Variants in PDE1A observed in about 807,000 individuals in gnomAD.
PDE1A encodes the protein dual specificity calcium/calmodulin-dependent 3',5'-cyclic nucleotide phosphodiesterase 1A.
A neutral mutation model predicts 61.7 loss-of-function variants in PDE1A; 35 were observed. The observed-to-expected ratio is 0.57, with a 90% CI of 0.43 to 0.75. The LOEUF (loss-of-function observed/expected upper bound fraction) is 0.75, where lower values mean the gene tolerates loss of function less well. PDE1A is among the 30% of genes least tolerant of loss of function. The pLI, the probability that PDE1A is intolerant of heterozygous loss-of-function variation, is 0.00. For missense variants in PDE1A, 597 were observed against 630.6 expected (o/e 0.95, Z 0.57); for synonymous variants, 232 against 213.2 (o/e 1.09, Z -0.77).
At position 182,207,111 on chromosome 2, in the gene PDE1A, G is replaced by C. The variant is rs150228786; in HGVS notation, c.777-1046C>G. 1.4e-3 allele frequency among the ~76,000 whole-genome samples: 212 copies of C among 152,290 alleles called. 2 individuals carry two copies. The highest frequency in any genetic ancestry group is 5.0e-3 in the African/African-American group (207 of 41,566). On this transcript the variant is annotated intron_variant, in intron 7 of 13. Coordinates refer to ENST00000351439, the Ensembl canonical transcript of PDE1A. ...AAAATGTGGAAGCAACTTTGGAACT[G>C]GGTAATGGGCAGAGGTTGAAACAGT...
At chr2:182,623,258 GC>G in the PDE1A span, among the ~76,000 whole-genome samples, 1 of 152,142 alleles carries the variant, frequency 6.6e-6, no homozygotes, top group Non-Finnish European at 1.5e-5. Flanking sequence ...CATCCTTTCT[GC>G]CCAGCCAACA....
chr2:182,531,661 G>A, the PDE1A span, among the ~76,000 whole-genome samples: 1 of 152,120 alleles, frequency 6.6e-6, no homozygotes, highest in Non-Finnish European at 1.5e-5. Flanking sequence ...TCTATAAGGA[G>A]AAGCAAACAA....
At chr2:182,669,059 C>T in the PDE1A span, among the ~76,000 whole-genome samples, 1 of 152,158 alleles carries the variant, frequency 6.6e-6, no homozygotes, top group African/African-American at 2.4e-5. Context: ...TTTCAAGAGG[C>T]CTTTGATAGA....
chr2:182,544,239 G>A, the PDE1A span, among the ~76,000 whole-genome samples: 1 of 152,176 alleles, frequency 6.6e-6, no homozygotes, highest in South Asian at 2.1e-4. Context: ...AGATACTACT[G>A]AAATTAAAGC....
chr2:182,445,862 C>T (rs1361634416), intron 2 of PDE1A, among the ~76,000 whole-genome samples: 2 of 152,022 alleles, frequency 1.3e-5, no homozygotes, highest in African/African-American at 4.8e-5. Context: ...TCAATCATGA[C>T]ATTTAAAATT....
At chr2:182,562,011 A>G in the PDE1A span, among the ~76,000 whole-genome samples, 21 of 151,402 alleles carry the variant, frequency 1.4e-4, no homozygotes, top group Non-Finnish European at 3.1e-4. Context: ...AACAGGGACA[A>G]TTTGACTTCC....
At chr2:182,694,294 G>T in the PDE1A span, among the ~76,000 whole-genome samples, 1 of 152,256 alleles carries the variant, frequency 6.6e-6, no homozygotes, top group Admixed American at 6.5e-5. Context: ...AAATGTATGG[G>T]TTTGTTTCTG....
chr2:182,210,871 G>C (rs1396936633), intron 7 of PDE1A, among the ~76,000 whole-genome samples: 4 of 150,536 alleles, frequency 2.7e-5, no homozygotes, highest in Admixed American at 1.3e-4. Flanking sequence ...ATGCTGATGT[G>C]ACAGAATACC....
the PDE1A span, among the ~76,000 whole-genome samples, chr2:182,611,228 AAC>A: frequency 7.2e-5 from 11 of 152,210 alleles, no homozygotes; most frequent in African/African-American, 2.7e-4. Context: ...GGTGCTGGAT[AAC>A]ACAGCAACAT....
At position 182,399,248 on chromosome 2, in the gene PDE1A, A is replaced by G. The variant is rs987699422; in HGVS notation, c.53+27330T>C. 7.2e-5 allele frequency among the ~76,000 whole-genome samples: 11 copies of G among 152,074 alleles called. No individual in the cohort carries two copies. In the South Asian group the frequency reaches 1.7e-3, roughly 23 times the overall value. ...TTTTAAATTTATATGCTACAAAATAATGCACTTTTTTGGTATAAAATTCTA... is the reference window on the plus strand; with the variant it reads ...TTTTAAATTTATATGCTACAAAATAGTGCACTTTTTTGGTATAAAATTCTA... On this transcript the variant is annotated intron_variant, in intron 1 of 13. Transcript: ENST00000351439.
At chr2:182,478,428 T>C (rs1687507729) in intron 2 of PDE1A, among the ~76,000 whole-genome samples, 1 of 151,868 alleles carries the variant, frequency 6.6e-6, no homozygotes, top group Non-Finnish European at 1.5e-5. Flanking sequence ...ATGTCCAGCC[T>C]CAGTAGGACA....
At chr2:182,414,989 G>A (rs540037779) in intron 1 of PDE1A, among the ~76,000 whole-genome samples, 3 of 152,084 alleles carry the variant, frequency 2.0e-5, no homozygotes, top group East Asian at 3.9e-4. Context: ...GACTGGAGTC[G>A]GAAAGTATTT....
the PDE1A span, among the ~76,000 whole-genome samples, chr2:182,540,591 C>T: frequency 6.6e-6 from 1 of 151,960 alleles, no homozygotes; most frequent in Non-Finnish European, 1.5e-5. Flanking sequence ...CTGAGTTAAC[C>T]AAATTCTCTA....
At chr2:182,369,816 C>A (rs947384919) in intron 1 of PDE1A, among the ~76,000 whole-genome samples, 1 of 152,214 alleles carries the variant, frequency 6.6e-6, no homozygotes, top group Admixed American at 6.5e-5. Context: ...AAGTGTAGTG[C>A]AAATGGAAGG....
the PDE1A span, among the ~76,000 whole-genome samples, chr2:182,562,425 A>C: frequency 3.3e-4 from 49 of 150,146 alleles, no homozygotes; most frequent in African/African-American, 1.0e-3. Flanking sequence ...ATGGTGGATA[A>C]GCTTTTTGAT....
Position 182,212,276 on chromosome 2 carries a change from TACAC to T in PDE1A, c.777-6215_777-6212del, listed in dbSNP as rs1184388678. ...ATATATGTATACATTTATATATATA[TACAC>T]ACACACACATAGTGGAATGGCTAAC... On this transcript the variant is annotated intron_variant, in intron 7 of 13. Transcript: ENST00000351439. Among the ~76,000 whole-genome samples the T allele has an allele frequency of 1.8e-4, 27 of 151,306 alleles. No individual in the cohort carries two copies. In the East Asian group the frequency reaches 4.5e-3, roughly 25 times the overall value.
At chr2:182,371,948 CTTTT>C (rs956332642) in intron 1 of PDE1A, among the ~76,000 whole-genome samples, 1 of 152,004 alleles carries the variant, frequency 6.6e-6, no homozygotes, top group African/African-American at 2.4e-5. Flanking sequence ...CCACGCCTGG[CTTTT>C]TTTATTTTTA....
chr2:182,298,567 C>T (rs937763891), intron 1 of PDE1A, among the ~76,000 whole-genome samples: 4 of 152,030 alleles, frequency 2.6e-5, no homozygotes, highest in South Asian at 4.1e-4. Flanking sequence ...TGCCTCACCC[C>T]GAGTTGTTAG....
chr2:182,350,069 C>T (rs973752082), intron 1 of PDE1A, among the ~76,000 whole-genome samples: 6 of 151,916 alleles, frequency 3.9e-5, no homozygotes, highest in African/African-American at 1.5e-4. Flanking sequence ...TTATCCTGCC[C>T]CCACCGAGTG....
Sources: allele counts gnomAD v4.1 joint callset (sites outside exome capture counted in the v4.1 genomes callset), GRCh38; gene constraint gnomAD v4.1.1; transcripts MANE v1.5; gene names NCBI Gene and HGNC (gene_info 2026-07-23, HGNC 2026-07-21).